B3GALT1: variants seen among roughly 807,000 people sequenced by gnomAD.
B3GALT1 encodes the protein UDP-Gal:betaGlcNAc beta 1,3-galactosyltransferase, polypeptide 1.
A neutral mutation model predicts 23.2 loss-of-function variants in B3GALT1; 10 were observed. The ratio of observed to expected loss-of-function variants is 0.43; its 90% CI spans 0.27 to 0.73. The LOEUF (loss-of-function observed/expected upper bound fraction) is 0.73, where lower values mean the gene tolerates loss of function less well. Ranked by LOEUF, B3GALT1 falls within the 30% of genes least tolerant of loss-of-function variation. The pLI is 0.21. For missense variants in B3GALT1, 299 were observed against 405.4 expected, an observed-to-expected ratio of 0.74 and a Z score of 2.25; for synonymous variants, 156 against 141.5, an observed-to-expected ratio of 1.10 and a Z score of -0.73.
intron 1 of B3GALT1, among the ~76,000 whole-genome samples, chr2:167,397,159 A>G (rs955599920): frequency 4.6e-5 from 7 of 151,974 alleles, no homozygotes; most frequent in Non-Finnish European, 1.0e-4. Flanking sequence ...TGCTTTTTGT[A>G]TGATTGATGA....
chr2:167,651,027 C>T (rs1276158322), intron 3 of B3GALT1, among the ~76,000 whole-genome samples: 2 of 151,620 alleles, frequency 1.3e-5, no homozygotes, highest in South Asian at 2.1e-4. Flanking sequence ...TAGATTTGAC[C>T]TTTCAAAGCC....
chr2:167,634,984 C>A (rs1385026108), intron 2 of B3GALT1, among the ~76,000 whole-genome samples: 1 of 152,140 alleles, frequency 6.6e-6, no homozygotes, highest in Non-Finnish European at 1.5e-5. Context: ...AACAGCACAT[C>A]AAAAAGCTTA....
chr2:167,590,012 T>A (rs1342763853), intron 2 of B3GALT1, among the ~76,000 whole-genome samples: 2 of 152,098 alleles, frequency 1.3e-5, no homozygotes, highest in Non-Finnish European at 2.9e-5. Context: ...TCTTTTGTAT[T>A]GTGTTGACAG....
At chr2:167,351,222 T>G (rs1697302790) in intron 1 of B3GALT1, among the ~76,000 whole-genome samples, 1 of 146,210 alleles carries the variant, frequency 6.8e-6, no homozygotes, top group Non-Finnish European at 1.5e-5. Flanking sequence ...TGAGCCGAGA[T>G]CGCATCACTG....
intron 3 of B3GALT1, among the ~76,000 whole-genome samples, chr2:167,763,911 G>C (rs1033781561): frequency 2.7e-4 from 41 of 152,048 alleles, no homozygotes; most frequent in African/African-American, 9.9e-4. Flanking sequence ...ATTCAGATAG[G>C]ACCAAAAGTA....
chr2:167,789,552 T>C (rs1241008695), intron 3 of B3GALT1, among the ~76,000 whole-genome samples: 1 of 152,186 alleles, frequency 6.6e-6, no homozygotes. Context: ...ATGATGGTGA[T>C]AGTTATAATA....
At chr2:167,394,895 A>G (rs190910751) in intron 1 of B3GALT1, among the ~76,000 whole-genome samples, 8 of 152,252 alleles carry the variant, frequency 5.3e-5, no homozygotes, top group Admixed American at 2.0e-4. Flanking sequence ...GAATGTCTGT[A>G]TCTGTTATCT....
intron 1 of B3GALT1, among the ~76,000 whole-genome samples, chr2:167,308,676 A>T (rs1038055722): frequency 6.6e-6 from 1 of 151,856 alleles, no homozygotes; most frequent in African/African-American, 2.4e-5. Flanking sequence ...GATTTTTTTT[A>T]AAAGGCTCAT....
intron 1 of B3GALT1, among the ~76,000 whole-genome samples, chr2:167,452,597 G>A (rs1224100775): frequency 6.6e-6 from 1 of 152,162 alleles, no homozygotes; most frequent in African/African-American, 2.4e-5. Context: ...TGAAGAGTCT[G>A]TGGATTCTCT....
chr2:167,485,343 T>C (rs1335445310), intron 1 of B3GALT1, among the ~76,000 whole-genome samples: 2 of 152,156 alleles, frequency 1.3e-5, no homozygotes, highest in Non-Finnish European at 2.9e-5. Context: ...GTGTCCTGTT[T>C]GTGTAAGCAT....
At chr2:167,335,621 C>G (rs1697047159) in intron 1 of B3GALT1, among the ~76,000 whole-genome samples, 1 of 152,180 alleles carries the variant, frequency 6.6e-6, no homozygotes, top group African/African-American at 2.4e-5. Flanking sequence ...TGGTAACTTC[C>G]TGACATTGCC....
chr2:167,852,870 C>T (rs908522884), intron 4 of B3GALT1, among the ~76,000 whole-genome samples: 16 of 152,078 alleles, frequency 1.1e-4, no homozygotes, highest in African/African-American at 3.9e-4. Flanking sequence ...ATTATTTCTT[C>T]CTCAACAATG....
chr2:167,523,828 A>G (rs1166101997), intron 2 of B3GALT1, among the ~76,000 whole-genome samples: 1 of 152,174 alleles, frequency 6.6e-6, no homozygotes, highest in East Asian at 1.9e-4. Flanking sequence ...GTGATATCAC[A>G]AAGACATTTT....
At chr2:167,457,419 C>T (rs1478429867) in intron 1 of B3GALT1, among the ~76,000 whole-genome samples, 1 of 151,830 alleles carries the variant, frequency 6.6e-6, no homozygotes, top group Non-Finnish European at 1.5e-5. Flanking sequence ...GTGATCCACC[C>T]GCCTTGGCCT....
chr2:167,489,992 G>A (rs890668633), intron 1 of B3GALT1, among the ~76,000 whole-genome samples, 185 bp from the exon 2 acceptor site: 1 of 152,100 alleles, frequency 6.6e-6, no homozygotes, highest in African/African-American at 2.4e-5. Context: ...ATGATATAAA[G>A]GGAGAAAATT....
intron 1 of B3GALT1, among the ~76,000 whole-genome samples, chr2:167,297,356 T>C (rs968270500): frequency 6.6e-6 from 1 of 151,694 alleles, no homozygotes; most frequent in Non-Finnish European, 1.5e-5. Flanking sequence ...CTCTTCCACA[T>C]TGAAGGTATC....
At chr2:167,773,749 C>A (rs1688111240) in intron 3 of B3GALT1, among the ~76,000 whole-genome samples, 1 of 152,224 alleles carries the variant, frequency 6.6e-6, no homozygotes. Context: ...CACATGCAAC[C>A]ACATGTAATC....
At chr2:167,733,367 C>A (rs549769218) in intron 3 of B3GALT1, among the ~76,000 whole-genome samples, 9 of 152,070 alleles carry the variant, frequency 5.9e-5, no homozygotes, top group Admixed American at 3.3e-4. Context: ...GCTTTGAATG[C>A]GGCCCAACAC....
At chr2:167,867,160 T>G (rs551968892) in intron 4 of B3GALT1, among the ~76,000 whole-genome samples, 20 of 152,276 alleles carry the variant, frequency 1.3e-4, no homozygotes, top group South Asian at 4.1e-4. Context: ...TCTCCTGACC[T>G]CGTGATCCGC....
Sources: gnomAD v4.1 joint callset for allele counts (sites outside exome capture counted in the v4.1 genomes callset) on GRCh38, gnomAD v4.1.1 for gene constraint, MANE v1.5 for transcripts, NCBI Gene and HGNC (gene_info 2026-07-23, HGNC 2026-07-21) for gene names.